Variants in PHF24 observed in about 807,000 individuals in gnomAD.
PHF24 encodes Galpha inhibitory interacting protein.
Under a neutral mutation model 42.6 loss-of-function variants are expected in PHF24, and 25 were observed. The ratio of observed to expected loss-of-function variants is 0.59; its 90% CI spans 0.43 to 0.82. The LOEUF (loss-of-function observed/expected upper bound fraction) is 0.82, where lower values mean the gene tolerates loss of function less well. Ranked by LOEUF, PHF24 falls within the 40% of genes least tolerant of loss-of-function variation. The pLI is 0.00. For missense variants in PHF24, 470 were observed against 538.1 expected, an observed-to-expected ratio of 0.87 and a Z score of 1.25; for synonymous variants, 185 against 204.8, an observed-to-expected ratio of 0.90 and a Z score of 0.83.
chr9:34,777,415 G>T, the PHF24 span, among the ~76,000 whole-genome samples: 1 of 152,162 alleles, frequency 6.6e-6, no homozygotes, highest in Non-Finnish European at 1.5e-5. Flanking sequence ...AGATGCCAAT[G>T]GTGGTGGATT....
chr9:34,876,689 T>C, the PHF24 span, among the ~76,000 whole-genome samples: 3 of 151,772 alleles, frequency 2.0e-5, no homozygotes, highest in Non-Finnish European at 4.4e-5. Context: ...AGAAAGAAAG[T>C]GTTCTGTAGG....
chr9:34,913,745 T>TG, the PHF24 span, among the ~76,000 whole-genome samples: 2 of 152,186 alleles, frequency 1.3e-5, no homozygotes, highest in Non-Finnish European at 2.9e-5. Flanking sequence ...GGTCTGGCTC[T>TG]CGTACTCTCA....
the PHF24 span, among the ~76,000 whole-genome samples, chr9:34,770,153 A>T: frequency 6.6e-6 from 1 of 152,284 alleles, no homozygotes; most frequent in Admixed American, 6.5e-5. Context: ...AAAAGTTGCA[A>T]ACCTTATTAG....
the PHF24 span, among the ~76,000 whole-genome samples, chr9:34,803,025 A>C: frequency 1.3e-5 from 2 of 152,104 alleles, no homozygotes; most frequent in Admixed American, 1.3e-4. Context: ...CCTTTAAACC[A>C]TATCTCAGGG....
At chr9:34,907,048 A>G in the PHF24 span, among the ~76,000 whole-genome samples, 2 of 152,136 alleles carry the variant, frequency 1.3e-5, no homozygotes, top group South Asian at 2.1e-4. Flanking sequence ...GCTGGTCCCA[A>G]ACTCCTGGCC....
chr9:34,886,754 A>ATCTG, the PHF24 span, among the ~76,000 whole-genome samples: 1,789 of 147,646 alleles, frequency 0.012, 29 homozygotes, highest in African/African-American at 0.042. Context: ...CTATCTATCT[A>ATCTG]TCTGTCTGTC....
the PHF24 span, among the ~76,000 whole-genome samples, chr9:34,694,265 G>A: frequency 7.4e-6 from 1 of 134,898 alleles, no homozygotes; most frequent in African/African-American, 2.8e-5. Flanking sequence ...TGCCTCCTAT[G>A]TTCAAGTAAT....
At chr9:34,941,913 C>G in the PHF24 span, among the ~76,000 whole-genome samples, 1 of 152,114 alleles carries the variant, frequency 6.6e-6, no homozygotes, top group Non-Finnish European at 1.5e-5. Flanking sequence ...ACCATAGCAC[C>G]CTTCCAGTAT....
the PHF24 span, among the ~76,000 whole-genome samples, chr9:34,941,866 T>A: frequency 6.6e-6 from 1 of 152,112 alleles, no homozygotes; most frequent in African/African-American, 2.4e-5. Flanking sequence ...CCTTGGGGGT[T>A]AGGATTTCAA....
the PHF24 span, among the ~76,000 whole-genome samples, chr9:34,795,438 T>C: frequency 6.6e-6 from 1 of 152,098 alleles, no homozygotes; most frequent in Non-Finnish European, 1.5e-5. Context: ...AAAGAATTAA[T>C]TGCTAGGAGA....
chr9:34,854,087 G>C, the PHF24 span, among the ~76,000 whole-genome samples: 23 of 151,924 alleles, frequency 1.5e-4, no homozygotes, highest in South Asian at 2.1e-4. Context: ...AGTATTCTCT[G>C]ATGGTTGTTT....
chr9:34,850,337 T>A, the PHF24 span, among the ~76,000 whole-genome samples: 1 of 152,192 alleles, frequency 6.6e-6, no homozygotes, highest in African/African-American at 2.4e-5. Flanking sequence ...CCCTTCTCGC[T>A]TCATTTCATT....
the PHF24 span, among the ~76,000 whole-genome samples, chr9:34,711,388 A>G: frequency 3.3e-3 from 499 of 151,704 alleles, 2 homozygotes; most frequent in Middle Eastern, 0.058. Context: ...TGGGGCCACC[A>G]TGCCTGGCTA....
chr9:34,943,135 G>A, the PHF24 span, among the ~76,000 whole-genome samples: 1 of 152,168 alleles, frequency 6.6e-6, no homozygotes, highest in Non-Finnish European at 1.5e-5. Flanking sequence ...GCTTGTTTAA[G>A]CCTGCAGCAG....
chr9:34,729,489 G>A, the PHF24 span: 7 of 1,496,412 alleles, frequency 4.7e-6, no homozygotes, highest in Non-Finnish European at 4.5e-6. Flanking sequence ...GGGTTCTGGT[G>A]CCTAATGAAT....
rs1257595274 is a variant in PHF24, at chr9:34,972,532, G to C, written c.564+1G>C. The C allele has an allele frequency of 6.2e-7, 1 of 1,606,346 alleles. No individual in the cohort carries two copies. ...AACAGGCTGGAGCTGCCACTACTGTGTAAGTCTGGACTGCAGGGACAGCAG... is the reference window on the plus strand; with the variant it reads ...AACAGGCTGGAGCTGCCACTACTGTCTAAGTCTGGACTGCAGGGACAGCAG... On this transcript the variant is annotated splice_donor_variant, in intron 3 of 7. Coordinates refer to ENST00000242315, the Ensembl canonical transcript of PHF24. LOFTEE classifies it high-confidence loss of function.
the PHF24 span, among the ~76,000 whole-genome samples, chr9:34,888,055 G>A: frequency 6.6e-6 from 1 of 152,014 alleles, no homozygotes; most frequent in Non-Finnish European, 1.5e-5. Context: ...GACACGGCAT[G>A]CTGTTGTTTG....
At chr9:34,975,822 A>G (rs933302886) in intron 3 of PHF24, among the ~76,000 whole-genome samples, 31 of 151,962 alleles carry the variant, frequency 2.0e-4, no homozygotes, top group Non-Finnish European at 4.0e-4. Flanking sequence ...CCTACTCACT[A>G]GCCCCCTTAT....
the PHF24 span, among the ~76,000 whole-genome samples, chr9:34,763,988 G>C: frequency 1.3e-5 from 2 of 151,434 alleles, no homozygotes. Context: ...CTGTTTATAT[G>C]CTGGATTACA....
Sources: gnomAD v4.1 joint callset for allele counts (sites outside exome capture counted in the v4.1 genomes callset) on GRCh38, gnomAD v4.1.1 for gene constraint, MANE v1.5 for transcripts, NCBI Gene and HGNC (gene_info 2026-07-23, HGNC 2026-07-21) for gene names.